Variants in EPHA6 observed in about 807,000 individuals in gnomAD.
EPHA6 encodes the protein EPH receptor A6, also known as ephrin type-A receptor 6.
In EPHA6, 50 loss-of-function variants were observed where a neutral mutation model predicts 112.0. The observed-to-expected ratio is 0.45, with a 90% CI of 0.36 to 0.56. The LOEUF is 0.56. Among genes scored for constraint, EPHA6 ranks in the 20% least tolerant of loss-of-function variants. The pLI is 0.00. For missense variants in EPHA6, 1,280 were observed against 1,417.4 expected, an observed-to-expected ratio of 0.90 and a Z score of 1.56; for synonymous variants, 529 against 490.7, an observed-to-expected ratio of 1.08 and a Z score of -1.03.
At chr3:97,747,595 C>T (rs764590180) in intron 17 of EPHA6, 23 bp downstream of exon 17, 20 of 1,567,536 alleles carry the variant, frequency 1.3e-5, no homozygotes, top group Non-Finnish European at 1.7e-6. Flanking sequence ...AGGTTTATTA[C>T]TGTAACGAGA....
At chr3:97,405,026 G>T in intron 5 of EPHA6, 124 bp from the exon 6 acceptor site, 1 of 1,014,142 alleles carries the variant, frequency 9.9e-7, no homozygotes, top group Non-Finnish European at 1.4e-6. Context: ...TTATTAATCT[G>T]CCTTCAATAA....
intron 3 of EPHA6, among the ~76,000 whole-genome samples, chr3:97,067,878 C>T (rs1396211241): frequency 1.3e-5 from 2 of 151,998 alleles, no homozygotes; most frequent in Non-Finnish European, 2.9e-5. Flanking sequence ...CATGGTGGCT[C>T]ATTCCTGTAA....
chr3:97,211,665 C>T (rs2077879747), intron 3 of EPHA6, among the ~76,000 whole-genome samples: 1 of 152,146 alleles, frequency 6.6e-6, no homozygotes, highest in East Asian at 1.9e-4. Context: ...CCCAAAGTCC[C>T]CATCTTCAAA....
chr3:97,350,246 G>A (rs1030222023), intron 5 of EPHA6, among the ~76,000 whole-genome samples: 1 of 152,060 alleles, frequency 6.6e-6, no homozygotes, highest in African/African-American at 2.4e-5. Context: ...TGACAGACTA[G>A]TATAAAACAT....
chr3:96,969,500 T>G (rs1279967947), intron 2 of EPHA6, among the ~76,000 whole-genome samples: 1 of 151,894 alleles, frequency 6.6e-6, no homozygotes, highest in Non-Finnish European at 1.5e-5. Flanking sequence ...AATATGAAGG[T>G]CTAATATATT....
At chr3:97,019,627 G>C (rs935672140) in intron 3 of EPHA6, among the ~76,000 whole-genome samples, 2 of 151,898 alleles carry the variant, frequency 1.3e-5, no homozygotes, top group Admixed American at 1.3e-4. Context: ...CCTTTGTCTT[G>C]GGGATTATGT....
intron 16 of EPHA6, chr3:97,745,373 C>T (rs1460412081): frequency 4.4e-6 from 2 of 453,366 alleles, no homozygotes; most frequent in African/African-American, 2.0e-5. Context: ...AATCATGAAT[C>T]ATTTTGATGT....
Position 97,289,197 on chromosome 3 carries a change from G to A in EPHA6, c.1606+44910G>A, listed in dbSNP as rs559061625. Among the ~76,000 whole-genome samples, 5 of 152,082 alleles carry A rather than the reference G, an allele frequency of 3.3e-5. No homozygotes were observed. The South Asian group carries it at 1.0e-3, about 32-fold the overall frequency. ...TGGCATTTCCTAGGTTTTCTTCTAG[G>A]ATTCTTCTAGTTTTAGGTCTTACGT... On this transcript the variant is annotated intron_variant, in intron 5 of 17. Transcript: ENST00000389672.
intron 2 of EPHA6, among the ~76,000 whole-genome samples, chr3:96,975,651 T>C (rs1321355316): frequency 6.6e-6 from 1 of 152,164 alleles, no homozygotes; most frequent in African/African-American, 2.4e-5. Context: ...AAAGAATTCC[T>C]TGGAGTACAA....
intron 3 of EPHA6, among the ~76,000 whole-genome samples, chr3:97,087,380 G>A (rs2046935757): frequency 6.6e-6 from 1 of 152,118 alleles, no homozygotes; most frequent in South Asian, 2.1e-4. Flanking sequence ...TTTAGCATGG[G>A]AGAGTAGACA....
At chr3:97,531,525 T>A (rs1481654222) in intron 10 of EPHA6, among the ~76,000 whole-genome samples, 1 of 151,942 alleles carries the variant, frequency 6.6e-6, no homozygotes, top group Non-Finnish European at 1.5e-5. Context: ...ATAAGTTTCA[T>A]CCCCTCCAGG....
intron 3 of EPHA6, among the ~76,000 whole-genome samples, chr3:97,187,128 A>C (rs978472998): frequency 6.6e-6 from 1 of 152,140 alleles, no homozygotes; most frequent in African/African-American, 2.4e-5. Context: ...TCTCGTTCAC[A>C]TTATATGCTA....
chr3:97,258,752 TAA>T, intron 5 of EPHA6, among the ~76,000 whole-genome samples: 2 of 152,276 alleles, frequency 1.3e-5, no homozygotes, highest in South Asian at 4.1e-4. Flanking sequence ...TAAATTCAGT[TAA>T]GTTATTTAAT....
At chr3:96,816,539 A>G (rs770974856) in intron 1 of EPHA6, among the ~76,000 whole-genome samples, 1 of 152,168 alleles carries the variant, frequency 6.6e-6, no homozygotes, top group Non-Finnish European at 1.5e-5. Flanking sequence ...ATTTTTAATA[A>G]TTGGAAAGTC....
chr3:96,922,569 A>T (rs950998929), intron 2 of EPHA6, among the ~76,000 whole-genome samples: 6 of 152,250 alleles, frequency 3.9e-5, no homozygotes, highest in Non-Finnish European at 7.3e-5. Context: ...TATGATATCT[A>T]AAATTTACTT....
intron 2 of EPHA6, among the ~76,000 whole-genome samples, chr3:96,939,323 T>C (rs1054679786): frequency 2.0e-5 from 3 of 152,116 alleles, no homozygotes; most frequent in Non-Finnish European, 2.9e-5. Context: ...CTTCTTCCTG[T>C]TTTAGTCTTG....
chr3:97,538,344 C>T (rs372428487), intron 11 of EPHA6, among the ~76,000 whole-genome samples: 1 of 152,086 alleles, frequency 6.6e-6, no homozygotes, highest in East Asian at 1.9e-4. Context: ...AAATGACTTC[C>T]AAGTGAATGG....
At chr3:97,554,869 C>G (rs1275122281) in intron 11 of EPHA6, among the ~76,000 whole-genome samples, 1 of 151,942 alleles carries the variant, frequency 6.6e-6, no homozygotes, top group Middle Eastern at 3.4e-3. Context: ...GAGTGACTGC[C>G]CCTACCAGGG....
intron 3 of EPHA6, among the ~76,000 whole-genome samples, chr3:97,020,636 G>C (rs1240722258): frequency 1.3e-5 from 2 of 152,170 alleles, no homozygotes; most frequent in African/African-American, 2.4e-5. Context: ...CACAGTCTCT[G>C]TGAGTTACCC....
Sources: gnomAD v4.1 joint callset for allele counts (sites outside exome capture counted in the v4.1 genomes callset) on GRCh38, gnomAD v4.1.1 for gene constraint, MANE v1.5 for transcripts, NCBI Gene and HGNC (gene_info 2026-07-23, HGNC 2026-07-21) for gene names.